The following KDM4C variants were observed in gnomAD, a reference collection of about 807,000 sequenced individuals.
The protein encoded by KDM4C is lysine demethylase 4C.
A neutral mutation model predicts 129.3 loss-of-function variants in KDM4C; 81 were observed. The observed-to-expected ratio is 0.63, with a 90% confidence interval of 0.52 to 0.75. KDM4C has a LOEUF of 0.75. Ranked by LOEUF, KDM4C falls within the 30% of genes least tolerant of loss-of-function variation. The probability of loss-of-function intolerance (pLI) is 0.00; values close to 1 mark genes in which losing one functional copy is unlikely to be tolerated. For missense variants in KDM4C, 1,457 were observed against 1,304.0 expected (o/e 1.12, Z -1.81); for synonymous variants, 573 against 456.1 (o/e 1.26, Z -3.26).
At chr9:6,876,723 T>C (rs2130732711) in intron 5 of KDM4C, among the ~76,000 whole-genome samples, 1 of 152,268 alleles carries the variant, frequency 6.6e-6, no homozygotes. Flanking sequence ...TCAAATGCAA[T>C]GTGACTGAGT....
At chr9:6,990,564 T>C in intron 12 of KDM4C, 40 bp downstream of exon 12, 1 of 850,414 alleles carries the variant, frequency 1.2e-6, no homozygotes, top group Non-Finnish European at 1.8e-6. Flanking sequence ...TTTTTTTTTT[T>C]TGGTGTGTAA....
At chr9:7,043,218 G>C (rs1311575177) in intron 15 of KDM4C, among the ~76,000 whole-genome samples, 1 of 152,006 alleles carries the variant, frequency 6.6e-6, no homozygotes, top group Non-Finnish European at 1.5e-5. Flanking sequence ...ACATGTCTCT[G>C]TTCTTCTAAT....
intron 19 of KDM4C, among the ~76,000 whole-genome samples, chr9:7,135,675 C>CATGG (rs2129726284): frequency 6.6e-6 from 1 of 152,286 alleles, no homozygotes; most frequent in Non-Finnish European, 1.5e-5. Context: ...GGAGGAGTGA[C>CATGG]ATGGATGTTC....
intron 1 of KDM4C, among the ~76,000 whole-genome samples, chr9:6,765,036 A>C (rs774112788): frequency 6.6e-6 from 1 of 152,160 alleles, no homozygotes; most frequent in Non-Finnish European, 1.5e-5. Flanking sequence ...TGTGGGGATC[A>C]ATCCGCTTGT....
rs1391982246 is a variant in KDM4C at position 6,791,930 on chromosome 9, G to A, written c.-17-1042G>A. 2.0e-5 allele frequency among the ~76,000 whole-genome samples: 3 copies of A among 152,226 alleles called. 1 individual carries two copies. The highest frequency in any genetic ancestry group is 4.1e-4 in the South Asian group (2 of 4,832). On this transcript the variant is annotated intron_variant, in intron 1 of 21. Coordinates refer to ENST00000381309, the MANE Select transcript of KDM4C (RefSeq NM_015061.6). ...CGAGCTACCCGGAAGGCTGAGGCAG[G>A]AGAATCACTGGAACCCGGGAGGTCG...
At chr9:6,740,329 T>G (rs530316136) in intron 1 of KDM4C, among the ~76,000 whole-genome samples, 5 of 150,924 alleles carry the variant, frequency 3.3e-5, no homozygotes, top group African/African-American at 1.2e-4. Flanking sequence ...TCAGCCTCCC[T>G]AGCAGCTGAG....
At chr9:6,984,782 G>A (rs773573673) in intron 10 of KDM4C, among the ~76,000 whole-genome samples, 37 of 150,178 alleles carry the variant, frequency 2.5e-4, no homozygotes, top group Non-Finnish European at 4.1e-4. Flanking sequence ...CTTAGCTTTC[G>A]ACTTAAGAAG....
At chr9:6,770,784 T>C (rs1447790742) in intron 1 of KDM4C, among the ~76,000 whole-genome samples, 1 of 147,760 alleles carries the variant, frequency 6.8e-6, no homozygotes, top group African/African-American at 2.5e-5. Flanking sequence ...TTTTTTTTTT[T>C]TTTCCTTTTG....
rs529790624 is a variant in KDM4C, at chr9:7,092,085, G to A, written c.2425-11600G>A. ...GCCTTTTGCATTGGCAAACTGAAAA[G>A]AACTGATGTATTATTACATTCTGCT... On this transcript the variant is annotated intron_variant, in intron 17 of 21. Transcript: ENST00000381309. Among the ~76,000 whole-genome samples the A allele has an allele frequency of 2.6e-3, 390 of 152,300 alleles. 3 individuals are homozygous for A. Among genetic ancestry groups the A allele is most frequent in the African/African-American group, 9.0e-3 (376 of 41,578 alleles).
chr9:6,736,291 G>T (rs1343234557), intron 1 of KDM4C, among the ~76,000 whole-genome samples: 1 of 152,174 alleles, frequency 6.6e-6, no homozygotes. Flanking sequence ...GCAGAAATTT[G>T]CATAAGTAAT....
At chr9:7,036,040 A>T (rs539580068) in intron 15 of KDM4C, among the ~76,000 whole-genome samples, 1 of 152,112 alleles carries the variant, frequency 6.6e-6, no homozygotes, top group South Asian at 2.1e-4. Context: ...TGGTGTTTTG[A>T]TAGGGATTGC....
At chr9:6,727,059 G>A (rs72697572) in intron 1 of KDM4C, 13,195 of 152,162 alleles carry the variant, frequency 0.087, 748 homozygotes, top group Non-Finnish European at 0.12. Flanking sequence ...TGTAAAAAGC[G>A]TACTGTACTT....
chr9:6,870,530 C>T (rs1446781932), intron 5 of KDM4C, among the ~76,000 whole-genome samples: 1 of 151,942 alleles, frequency 6.6e-6, no homozygotes, highest in Admixed American at 6.6e-5. Flanking sequence ...TTAGCATAAG[C>T]TCTGGTGTGT....
intron 15 of KDM4C, among the ~76,000 whole-genome samples, chr9:7,022,697 G>T (rs1278697007): frequency 6.8e-6 from 1 of 146,010 alleles, no homozygotes; most frequent in African/African-American, 2.5e-5. Context: ...TTGAAGAACA[G>T]TGTTGAAAAT....
At chr9:6,730,582 T>G (rs1280197637) in intron 1 of KDM4C, among the ~76,000 whole-genome samples, 1 of 149,934 alleles carries the variant, frequency 6.7e-6, no homozygotes, top group Non-Finnish European at 1.5e-5. Context: ...GCCACTGCAC[T>G]CCAGCCTGGG....
At chr9:7,163,196 C>T (rs923356445) in intron 19 of KDM4C, among the ~76,000 whole-genome samples, 3 of 152,100 alleles carry the variant, frequency 2.0e-5, no homozygotes, top group Admixed American at 6.5e-5. Context: ...AGTACCTCAG[C>T]ATGCTTTTTA....
At chr9:7,074,175 T>C (rs1564082487) in intron 17 of KDM4C, among the ~76,000 whole-genome samples, 1 of 152,084 alleles carries the variant, frequency 6.6e-6, no homozygotes. Flanking sequence ...TTTTTTTTTT[T>C]CTTTCTGAGT....
In KDM4C at chr9:7,080,823, C is replaced by T. The variant is rs1028010686; in HGVS notation, c.2425-22862C>T. Among the ~76,000 whole-genome samples, 11 of 152,260 alleles carry T rather than the reference C, an allele frequency of 7.2e-5. No individual in the cohort carries two copies. The South Asian group carries it at 1.0e-3, about 14-fold the overall frequency. ...TAAATCTCAACTTTAACATTCAAGG[C>T]GCGTTATAGTCTTCCAGAATTCTTC... On this transcript the variant is annotated intron_variant, in intron 17 of 21. Transcript: ENST00000381309.
chr9:7,077,258 C>T (rs1834030537), intron 17 of KDM4C: 1 of 981,582 alleles, frequency 1.0e-6, no homozygotes, highest in East Asian at 1.1e-4. Flanking sequence ...ATGCCATTTG[C>T]ATGGATCTTG....
Sources: gnomAD v4.1 joint callset for allele counts (sites outside exome capture counted in the v4.1 genomes callset) on GRCh38, gnomAD v4.1.1 for gene constraint, MANE v1.5 for transcripts, NCBI Gene and HGNC (gene_info 2026-07-23, HGNC 2026-07-21) for gene names.